Variants in ANKRD17 observed in about 807,000 individuals in gnomAD.
ANKRD17 encodes ankyrin repeat domain-containing protein 17.
In ANKRD17, 19 loss-of-function variants were observed where a neutral mutation model predicts 229.7. The ratio of observed to expected loss-of-function variants is 0.08; its 90% CI spans 0.06 to 0.12. ANKRD17 has a LOEUF of 0.12. ANKRD17 is among the 10% of genes least tolerant of loss of function. ANKRD17 has a pLI of 1.00. For synonymous variants in ANKRD17, 1,112 were observed against 1,146.1 expected (o/e 0.97, Z 0.60); for missense variants, 2,176 against 3,176.8 (o/e 0.68, Z 7.57).
intron 2 of ANKRD17, among the ~76,000 whole-genome samples, chr4:73,169,722 C>A (rs1381322040): frequency 6.6e-6 from 1 of 152,220 alleles, no homozygotes; most frequent in Non-Finnish European, 1.5e-5. Flanking sequence ...CCCTAATCCC[C>A]TAGCAGCTCC....
chr4:73,120,545 AAAAAAAAAAAG>A (rs1257144757), intron 20 of ANKRD17, among the ~76,000 whole-genome samples: 1 of 151,050 alleles, frequency 6.6e-6, no homozygotes, highest in Non-Finnish European at 1.5e-5. Context: ...GTATTGCAAA[AAAAAAAAAAAG>A]AAAGAAAGAA....
At chr4:73,152,258 GAGA>G (rs1277634404) in intron 6 of ANKRD17, among the ~76,000 whole-genome samples, 3 of 152,120 alleles carry the variant, frequency 2.0e-5, no homozygotes, top group East Asian at 1.9e-4. Flanking sequence ...TGGGAGGCGG[GAGA>G]AGGACAGATA....
intron 1 of ANKRD17, among the ~76,000 whole-genome samples, chr4:73,205,116 C>A (rs1739273337): frequency 6.6e-6 from 1 of 151,940 alleles, no homozygotes; most frequent in African/African-American, 2.4e-5. Flanking sequence ...GAGTTAAAGA[C>A]CAGCATGGGC....
intron 1 of ANKRD17, among the ~76,000 whole-genome samples, chr4:73,189,589 G>T (rs1022026779): frequency 1.3e-5 from 2 of 151,988 alleles, no homozygotes; most frequent in African/African-American, 4.8e-5. Flanking sequence ...GCCACCCAAA[G>T]TGCTGGCATT....
At chr4:73,123,401 A>G (rs1268908444) in intron 18 of ANKRD17, among the ~76,000 whole-genome samples, 1 of 152,008 alleles carries the variant, frequency 6.6e-6, no homozygotes, top group Non-Finnish European at 1.5e-5. Flanking sequence ...TAACCTATCT[A>G]TTGCCCCTAC....
chr4:73,142,486 A>T (rs912043465), intron 12 of ANKRD17, 101 bp from the exon 13 acceptor site: 1 of 1,567,976 alleles, frequency 6.4e-7, no homozygotes, highest in Non-Finnish European at 8.6e-7. Context: ...GACGCATTAA[A>T]ATCATAGGTT....
intron 3 of ANKRD17, among the ~76,000 whole-genome samples, chr4:73,157,445 C>G (rs375118364): frequency 3.9e-5 from 6 of 152,234 alleles, no homozygotes; most frequent in African/African-American, 1.4e-4. Flanking sequence ...AAAGTGTATG[C>G]CCCATAAACT....
At position 73,091,929 on chromosome 4, in the gene ANKRD17, A is replaced by G. The variant is rs781546161; in HGVS notation, c.5699T>C (p.Phe1900Ser). The change falls in exon 29 of 34, where the codon TTC becomes TCC. Residue 1900 changes from phenylalanine (F) to serine (S), a missense_variant. Physicochemically the swap from Phe to Ser is radical, Grantham distance 155. This residue lies in a region of ANKRD17 where 142 missense variants were observed against 200.4 expected (regional missense o/e 0.71). Transcript: ENST00000358602. ...CAACCTTGGTGGACGGATCTGCTGG[A>G]AAGTCTGAGCAGCAAGCAAAGCATG... ...FAHALLAAQTFQQIRPPRLPM... is the reference protein window; with the variant it reads ...FAHALLAAQTSQQIRPPRLPM... 1 of 1,614,220 alleles carries G rather than the reference A, an allele frequency of 6.2e-7. No individual in the cohort carries two copies. Among genetic ancestry groups the G allele is most frequent in the South Asian group, 1.1e-5 (1 of 91,082 alleles).
At chr4:73,112,022 A>AT (rs1170867930) in intron 24 of ANKRD17, among the ~76,000 whole-genome samples, 1 of 152,242 alleles carries the variant, frequency 6.6e-6, no homozygotes, top group Non-Finnish European at 1.5e-5. Flanking sequence ...TCTAAGGGAC[A>AT]TTCATGGAAG....
chr4:73,115,968 A>G (rs1725888536), intron 22 of ANKRD17, 52 bp from the exon 23 acceptor site: 1 of 1,464,824 alleles, frequency 6.8e-7, no homozygotes, highest in Admixed American at 1.7e-5. Context: ...ACAGTTCAGT[A>G]AATCTATGCC....
chr4:73,177,950 T>C (rs1734960469), intron 1 of ANKRD17, among the ~76,000 whole-genome samples: 1 of 152,152 alleles, frequency 6.6e-6, no homozygotes, highest in African/African-American at 2.4e-5. Flanking sequence ...ATATAAACCC[T>C]GTATTTCTTG....
intron 23 of ANKRD17, among the ~76,000 whole-genome samples, chr4:73,115,367 T>C (rs1725818163): frequency 6.6e-6 from 1 of 152,240 alleles, no homozygotes; most frequent in Admixed American, 6.5e-5. Flanking sequence ...CTTGGCTCAC[T>C]GCAACCTCCA....
chr4:73,178,322 C>T (rs1344946341), intron 1 of ANKRD17, among the ~76,000 whole-genome samples: 3 of 152,122 alleles, frequency 2.0e-5, no homozygotes, highest in Non-Finnish European at 4.4e-5. Context: ...TTCCTCCAGA[C>T]AAACACTATA....
At chr4:73,242,463 G>A (rs574927423) in intron 1 of ANKRD17, among the ~76,000 whole-genome samples, 9 of 152,124 alleles carry the variant, frequency 5.9e-5, no homozygotes, top group Admixed American at 4.6e-4. Context: ...GACAGATGAA[G>A]GGCCTGAAAA....
chr4:73,163,948 A>G (rs1732882764), intron 2 of ANKRD17, among the ~76,000 whole-genome samples: 1 of 152,234 alleles, frequency 6.6e-6, no homozygotes, highest in Non-Finnish European at 1.5e-5. Flanking sequence ...CCATAAAAAA[A>G]TGTTCAGAGT....
chr4:73,100,529 A>G (rs941241241), intron 25 of ANKRD17, among the ~76,000 whole-genome samples: 10 of 151,900 alleles, frequency 6.6e-5, no homozygotes, highest in Non-Finnish European at 1.3e-4. Flanking sequence ...TTTGGAAAAT[A>G]TAAGTATGTA....
chr4:73,143,606 G>A (rs1031695293), intron 11 of ANKRD17, among the ~76,000 whole-genome samples: 1 of 152,174 alleles, frequency 6.6e-6, no homozygotes, highest in Non-Finnish European at 1.5e-5. Context: ...ATGGGAAAAT[G>A]TTGAAAGTAA....
At chr4:73,239,853 T>G (rs1268583891) in intron 1 of ANKRD17, among the ~76,000 whole-genome samples, 1 of 152,210 alleles carries the variant, frequency 6.6e-6, no homozygotes, top group Non-Finnish European at 1.5e-5. Context: ...AAGTTTGGTT[T>G]AAAGGATATT....
At chr4:73,113,248 C>G in intron 24 of ANKRD17, 1 of 1,289,340 alleles carries the variant, frequency 7.8e-7, no homozygotes, top group South Asian at 1.2e-5. Context: ...ACTGTCCAAA[C>G]TATATGCTGT....
Sources: gnomAD v4.1 joint callset for allele counts (sites outside exome capture counted in the v4.1 genomes callset) on GRCh38, gnomAD v4.1.1 for gene constraint, gnomAD v4.1.1 regional missense constraint, MANE v1.5 for transcripts, NCBI Gene and HGNC (gene_info 2026-07-23, HGNC 2026-07-21) for gene names.